The following LDLRAD4 variants were observed in gnomAD, a reference collection of about 807,000 sequenced individuals.
LDLRAD4 encodes low-density lipoprotein receptor class A domain-containing protein 4.
LDLRAD4 carries 5 observed loss-of-function variants against 17.0 expected under a neutral mutation model. The observed-to-expected ratio is 0.29, with a 90% CI of 0.15 to 0.62. The LOEUF is 0.62. Ranked by LOEUF, LDLRAD4 falls within the 20% of genes least tolerant of loss-of-function variation. The pLI, the probability that LDLRAD4 is intolerant of heterozygous loss-of-function variation, is 0.84. For missense variants in LDLRAD4, 340 were observed against 424.7 expected, an observed-to-expected ratio of 0.80 and a Z score of 1.75; for synonymous variants, 168 against 171.8, an observed-to-expected ratio of 0.98 and a Z score of 0.17.
intron 3 of LDLRAD4, among the ~76,000 whole-genome samples, chr18:13,505,073 T>C (rs2147350051): frequency 6.6e-6 from 1 of 152,308 alleles, no homozygotes; most frequent in East Asian, 1.9e-4. Flanking sequence ...GCATTGTCCC[T>C]GGCATGCTGT....
rs781561347 is a variant in LDLRAD4 at position 13,282,843 on chromosome 18, G to A, written c.-383+4655G>A. Among the ~76,000 whole-genome samples, 75 of 152,314 alleles carry A rather than the reference G, an allele frequency of 4.9e-4. 1 individual carries two copies. The highest frequency in any genetic ancestry group is 7.6e-4 in the Non-Finnish European group (52 of 68,024). On this transcript the variant is annotated intron_variant, in intron 1 of 5. Coordinates refer to ENST00000359446, the Ensembl canonical transcript of LDLRAD4. ...AGCAGAGGTTCTCCATGAGGGCCCCGCCCCTGCAGCAAACTTTTGCCTGGG... is the reference window on the plus strand; with the variant it reads ...AGCAGAGGTTCTCCATGAGGGCCCCACCCCTGCAGCAAACTTTTGCCTGGG...
At chr18:13,449,813 G>A (rs1490800033) in intron 3 of LDLRAD4, among the ~76,000 whole-genome samples, 1 of 152,196 alleles carries the variant, frequency 6.6e-6, no homozygotes, top group Non-Finnish European at 1.5e-5. Flanking sequence ...TCCAGGTAGG[G>A]TGTACCGCCG....
chr18:13,551,617 T>G (rs954355360), intron 3 of LDLRAD4, among the ~76,000 whole-genome samples: 1 of 151,802 alleles, frequency 6.6e-6, no homozygotes, highest in Non-Finnish European at 1.5e-5. Context: ...TCACAGAGTG[T>G]GCCATGGTGG....
intron 3 of LDLRAD4, among the ~76,000 whole-genome samples, chr18:13,444,704 GCT>G (rs2091269173): frequency 1.3e-5 from 2 of 152,226 alleles, no homozygotes; most frequent in South Asian, 4.1e-4. Flanking sequence ...TGCCCATGAG[GCT>G]CTGTGGTAGA....
At position 13,610,311 on chromosome 18, in the gene LDLRAD4, G is replaced by A. The variant is rs1348399512; in HGVS notation, c.182-10806G>A. ...TTTTTTTTTTTTTTTTTTTTGAGACGGAGTCTCACTCTGTCGCCCAGGCTG... is the reference window on the plus strand; with the variant it reads ...TTTTTTTTTTTTTTTTTTTTGAGACAGAGTCTCACTCTGTCGCCCAGGCTG... On this transcript the variant is annotated intron_variant, in intron 3 of 5. Coordinates refer to ENST00000359446, the Ensembl canonical transcript of LDLRAD4. Among the ~76,000 whole-genome samples the A allele has an allele frequency of 1.4e-4, 7 of 50,560 alleles. 1 individual carries two copies. The highest frequency in any genetic ancestry group is 9.8e-4 in the East Asian group (2 of 2,050). 33.2% of individuals were successfully genotyped at this position (50,560 alleles called of 152,430 possible). A position where few individuals can be genotyped will look rare whatever the true frequency, so the allele number is the denominator to read the frequency against.
intron 1 of LDLRAD4, among the ~76,000 whole-genome samples, chr18:13,286,143 A>G (rs552076478): frequency 6.6e-6 from 1 of 152,126 alleles, no homozygotes; most frequent in Admixed American, 6.5e-5. Flanking sequence ...TTCTGTCTCT[A>G]TGATTTTGAC....
rs184705343 is a variant in LDLRAD4, at chr18:13,500,224, G to A, written c.181+61840G>A. Among the ~76,000 whole-genome samples, 9 of 151,866 alleles carry A rather than the reference G, an allele frequency of 5.9e-5. No homozygotes were observed. In the East Asian group the frequency reaches 1.7e-3, roughly 29 times the overall value. On this transcript the variant is annotated intron_variant, in intron 3 of 5. Transcript: ENST00000359446. ...GACCCTCTCAGCAGCTAGCCAGGCTGGCCTGGCCCTGACGGCCCGGGAATA... is the reference window on the plus strand; with the variant it reads ...GACCCTCTCAGCAGCTAGCCAGGCTAGCCTGGCCCTGACGGCCCGGGAATA...
intron 3 of LDLRAD4, among the ~76,000 whole-genome samples, chr18:13,508,474 A>G (rs553097831): frequency 6.6e-6 from 1 of 152,340 alleles, no homozygotes; most frequent in East Asian, 1.9e-4. Flanking sequence ...AAAGCTTCAA[A>G]GGACAGGCTA....
intron 3 of LDLRAD4, among the ~76,000 whole-genome samples, chr18:13,468,130 A>G (rs1011926258): frequency 6.6e-6 from 1 of 152,182 alleles, no homozygotes; most frequent in Admixed American, 6.5e-5. Context: ...AGAAAAAAAA[A>G]CAGATAAATT....
At chr18:13,311,415 G>A (rs182029269) in intron 1 of LDLRAD4, among the ~76,000 whole-genome samples, 391 of 152,308 alleles carry the variant, frequency 2.6e-3, no homozygotes, top group Non-Finnish European at 3.9e-3. Flanking sequence ...ATGGCCCTCC[G>A]GGCTTGGCTT....
chr18:13,298,356 G>A (rs1056775064), intron 1 of LDLRAD4, among the ~76,000 whole-genome samples: 1 of 151,822 alleles, frequency 6.6e-6, no homozygotes, highest in African/African-American at 2.4e-5. Flanking sequence ...TCTAGGCACA[G>A]TGGTGGAGCT....
chr18:13,642,811 C>G, intron 4 of LDLRAD4: 4 of 1,120,446 alleles, frequency 3.6e-6, no homozygotes, highest in Non-Finnish European at 4.5e-6. Context: ...AGGAGTTCAA[C>G]TTTTCCATGT....
At chr18:13,603,524 C>A (rs2095187816) in intron 3 of LDLRAD4, among the ~76,000 whole-genome samples, 1 of 152,266 alleles carries the variant, frequency 6.6e-6, no homozygotes, top group Non-Finnish European at 1.5e-5. Flanking sequence ...CTTAACCTTT[C>A]TGTGCCTCTA....
chr18:13,227,039 G>A (rs1384476357), intron 1 of LDLRAD4, among the ~76,000 whole-genome samples: 3 of 152,138 alleles, frequency 2.0e-5, no homozygotes, highest in Non-Finnish European at 4.4e-5. Context: ...TGCTAGTCTT[G>A]CCCCTAAGGA....
intron 3 of LDLRAD4, among the ~76,000 whole-genome samples, chr18:13,587,952 A>G (rs1284400): frequency 0.42 from 64,226 of 152,086 alleles, 13,612 homozygotes; most frequent in Non-Finnish European, 0.44. Flanking sequence ...CTGTTTCTCT[A>G]CATTGCCAAC....
chr18:13,305,540 A>G (rs1164431907), intron 1 of LDLRAD4, among the ~76,000 whole-genome samples: 1 of 152,222 alleles, frequency 6.6e-6, no homozygotes, highest in African/African-American at 2.4e-5. Flanking sequence ...CTGCAATACC[A>G]TAAGCCTCGA....
At chr18:13,285,223 C>T (rs1315760640) in intron 1 of LDLRAD4, among the ~76,000 whole-genome samples, 1 of 152,168 alleles carries the variant, frequency 6.6e-6, no homozygotes, top group Non-Finnish European at 1.5e-5. Context: ...GAAATGTTGC[C>T]AGTTCCTGGG....
chr18:13,263,757 T>C (rs2044053904), intron 1 of LDLRAD4, among the ~76,000 whole-genome samples: 1 of 152,220 alleles, frequency 6.6e-6, no homozygotes, highest in South Asian at 2.1e-4. Context: ...CACAGCTGGC[T>C]GATTTTAAGT....
In LDLRAD4 at chr18:13,327,131, C is replaced by G. The variant is rs924629024; in HGVS notation, c.-383+48943C>G. Among the ~76,000 whole-genome samples, 3 of 152,086 alleles carry G rather than the reference C, an allele frequency of 2.0e-5. No individual in the cohort carries two copies. The East Asian group carries it at 5.8e-4, about 29-fold the overall frequency. On this transcript the variant is annotated intron_variant, in intron 1 of 5. Transcript: ENST00000359446. ...TTTCTGCTTGACTCCCTCTGTGGGCCGTGGACTCTGCGGCAGAGTCCTATC... is the reference window on the plus strand; with the variant it reads ...TTTCTGCTTGACTCCCTCTGTGGGCGGTGGACTCTGCGGCAGAGTCCTATC...
Sources: gnomAD v4.1 joint callset for allele counts (sites outside exome capture counted in the v4.1 genomes callset) on GRCh38, gnomAD v4.1.1 for gene constraint, MANE v1.5 for transcripts, NCBI Gene and HGNC (gene_info 2026-07-23, HGNC 2026-07-21) for gene names.